Variants in EVL observed in about 807,000 individuals in gnomAD.
The protein encoded by EVL is Enah/Vasp-like.
In EVL, 21 loss-of-function variants were observed where a neutral mutation model predicts 59.6. That is an observed-to-expected ratio of 0.35 (90% CI 0.25 to 0.51). The LOEUF (loss-of-function observed/expected upper bound fraction) is 0.51, where lower values mean the gene tolerates loss of function less well. Ranked by LOEUF, EVL falls within the 20% of genes least tolerant of loss-of-function variation. The pLI is 0.97. For missense variants in EVL, 462 were observed against 546.6 expected (o/e 0.85, Z 1.54); for synonymous variants, 198 against 203.5 (o/e 0.97, Z 0.23).
chr14:99,973,964 G>A (rs1323064935), intron 1 of EVL, among the ~76,000 whole-genome samples: 1 of 152,018 alleles, frequency 6.6e-6, no homozygotes, highest in African/African-American at 2.4e-5. Context: ...TCATCTTCCA[G>A]TCTTCGCTTT....
chr14:100,100,784 CAAAAAAAAAAAA>C lies in EVL; in HGVS notation c.358+3140_358+3151del, dbSNP rs60820079. Among the ~76,000 whole-genome samples, 3 of 47,684 alleles carry C rather than the reference CAAAAAAAAAAAA, an allele frequency of 6.3e-5. No individual in the cohort carries two copies. The South Asian group carries it at 2.3e-3, about 37-fold the overall frequency. The allele number at this position is 47,684 out of a possible 152,430, so 31.3% of individuals were successfully genotyped here. A position where few individuals can be genotyped will look rare whatever the true frequency, so the allele number is the denominator to read the frequency against. On this transcript the variant is annotated intron_variant, in intron 3 of 13. Transcript: ENST00000392920. ...TGTGTGACAGAGCAAGAGTCTGTCT[CAAAAAAAAAAAA>C]AAAAAAAAAAAAATGGAAGTATGAA...
Position 100,130,912 on chromosome 14 carries a change from C to T in EVL, c.839+1228C>T, listed in dbSNP as rs570784637. Among the ~76,000 whole-genome samples the T allele has an allele frequency of 6.6e-6, 1 of 152,326 alleles. No homozygotes were observed. The highest frequency in any genetic ancestry group is 2.1e-4 in the South Asian group (1 of 4,822). ...TGAGCAGTTTCCTGTGAGAGTAAGT[C>T]CAGGTGTGTGGGGCTTACAGTGGCC... On this transcript the variant is annotated intron_variant, in intron 7 of 13. Coordinates refer to ENST00000392920, the MANE Select transcript of EVL (RefSeq NM_016337.3). The surrounding 1 kb of genome is among the most constrained non-coding windows in gnomAD (Gnocchi z 4.8).
At chr14:100,103,493 G>A (rs1595182479) in intron 3 of EVL, among the ~76,000 whole-genome samples, 1 of 152,138 alleles carries the variant, frequency 6.6e-6, no homozygotes, top group East Asian at 1.9e-4. Flanking sequence ...TCCCCGCTTG[G>A]CCTCCTGGGA....
At chr14:99,981,743 A>T (rs1226531496) in intron 1 of EVL, among the ~76,000 whole-genome samples, 1 of 152,258 alleles carries the variant, frequency 6.6e-6, no homozygotes, top group Non-Finnish European at 1.5e-5. Flanking sequence ...ACATACCTTC[A>T]TTAGAAAATA....
At chr14:100,106,790 C>T (rs1886598806) in intron 3 of EVL, 2 of 398,558 alleles carry the variant, frequency 5.0e-6, no homozygotes, top group East Asian at 7.1e-5. Context: ...CTTAACAGTG[C>T]CATGGAGATA....
chr14:100,017,588 G>C (rs2061061004), intron 1 of EVL, among the ~76,000 whole-genome samples: 4 of 152,128 alleles, frequency 2.6e-5, no homozygotes, highest in Admixed American at 2.6e-4. Context: ...TTTTATATAG[G>C]GTAAATCCAA....
At chr14:100,057,375 G>C (rs2061750587) in intron 1 of EVL, among the ~76,000 whole-genome samples, 1 of 152,174 alleles carries the variant, frequency 6.6e-6, no homozygotes, top group Non-Finnish European at 1.5e-5. Context: ...CTAAGAGACT[G>C]CTCAGCTGAC....
rs1402402121 is a variant in EVL at position 100,137,643 on chromosome 14, A to G, written c.1030A>G (p.Arg344Gly). ...GAAGCCTGTGTCCTCGATTCTGTCC[A>G]GGTGAGCTGCCCCAGGAAGGCCTGA... ...VEKPVSSILS[R>G]TPSVAKSPEA... Residue 344 changes from arginine to glycine, a missense_variant and splice_region_variant, in exon 10 of 14, where the codon AGA becomes GGA. Physicochemically the swap from Arg to Gly is moderately radical, Grantham distance 125. Transcript: ENST00000392920. 2 of 1,614,158 alleles carry G rather than the reference A, an allele frequency of 1.2e-6. No homozygotes were observed. The highest frequency in any genetic ancestry group is 1.7e-5 in the Admixed American group (1 of 60,026).
intron 1 of EVL, among the ~76,000 whole-genome samples, chr14:100,028,429 G>T (rs1184557595): frequency 6.6e-6 from 1 of 152,090 alleles, no homozygotes; most frequent in Non-Finnish European, 1.5e-5. Flanking sequence ...CAGAATATAT[G>T]TTTTCTTTGT....
At chr14:100,110,175 C>T (rs1886870467) in intron 3 of EVL, among the ~76,000 whole-genome samples, 1 of 152,154 alleles carries the variant, frequency 6.6e-6, no homozygotes, top group Non-Finnish European at 1.5e-5. Context: ...GAGTTCGAGA[C>T]CTGCCTGGTC....
chr14:100,095,290 GTCCACTAGAAATGCAACACCAAAAATGAA>G (rs1885727550), intron 2 of EVL, among the ~76,000 whole-genome samples: 1 of 152,070 alleles, frequency 6.6e-6, no homozygotes, highest in Non-Finnish European at 1.5e-5. Context: ...GTTTGCTACT[GTCCACTAGAAATGCAACACCAAAAATGAA>G]AACAAAAAAC....
chr14:100,137,708 A>T lies in EVL; in HGVS notation c.1032-32A>T, dbSNP rs927221149. 2.5e-6 allele frequency: 4 copies of T among 1,613,878 alleles called. No individual in the cohort carries two copies. In the African/African-American group the frequency reaches 5.3e-5, roughly 22 times the overall value. Reference sequence around the variant, plus strand: ...GGGGCAGAGGCGGGCGCTGGCGCCGATTCACATGTCTGTTTCATTCCATTG... The same window carrying T: ...GGGGCAGAGGCGGGCGCTGGCGCCGTTTCACATGTCTGTTTCATTCCATTG... On this transcript the variant is annotated intron_variant, in intron 10 of 13. Transcript: ENST00000392920.
intron 7 of EVL, 109 bp downstream of exon 7, chr14:100,129,793 G>T: frequency 1.4e-6 from 2 of 1,404,618 alleles, no homozygotes; most frequent in South Asian, 1.5e-5. Context: ...TTTGTTCCCT[G>T]GGTTTAGCCA....
In EVL at chr14:100,019,476, T is replaced by C. The variant is rs1053044706; in HGVS notation, c.5+47419T>C. On this transcript the variant is annotated intron_variant, in intron 1 of 13. Coordinates refer to the EVL transcript ENST00000402714. The stretch of plus-strand genomic sequence containing the variant: ...AGCTGCCTCCCCTGTTAGCTGCCGC[T>C]TGTCAGCAGCTGGCGGAGCTGGAGG... 4 of 541,224 alleles carry C rather than the reference T, an allele frequency of 7.4e-6. No individual in the cohort carries two copies. The African/African-American group carries it at 7.9e-5, about 11-fold the overall frequency. The allele number at this position is 541,224 out of a possible 1,614,324, so 33.5% of individuals were successfully genotyped here. A position where few individuals can be genotyped will look rare whatever the true frequency, so the allele number is the denominator to read the frequency against.
intron 1 of EVL, chr14:100,019,723 G>T: frequency 1.3e-6 from 2 of 1,527,950 alleles, no homozygotes; most frequent in Non-Finnish European, 8.7e-7. Context: ...TCTGCTGCTG[G>T]CTTTTTGTTC....
At position 100,134,053 on chromosome 14, in the gene EVL, C is replaced by T. The variant is rs191459422; in HGVS notation, c.900+1274C>T. On this transcript the variant is annotated intron_variant, in intron 8 of 13. Transcript: ENST00000392920. Reference sequence around the variant, plus strand: ...TCTCCCGAGGCCCTCTGCACAGGCACGACTGCTTGTGGAGACTCGTTGTCT... The same window carrying T: ...TCTCCCGAGGCCCTCTGCACAGGCATGACTGCTTGTGGAGACTCGTTGTCT... Among the ~76,000 whole-genome samples, 242 of 152,334 alleles carry T rather than the reference C, an allele frequency of 1.6e-3. 1 individual carries two copies. The highest frequency in any genetic ancestry group is 5.6e-3 in the African/African-American group (231 of 41,572).
intron 1 of EVL, among the ~76,000 whole-genome samples, chr14:99,982,902 A>G (rs902287680): frequency 1.4e-4 from 22 of 152,326 alleles, no homozygotes; most frequent in Middle Eastern, 3.4e-3. Context: ...CAATTTACGT[A>G]ACCTTTATGA....
At chr14:100,013,426 A>G (rs73345486) in intron 1 of EVL, among the ~76,000 whole-genome samples, 12,154 of 152,268 alleles carry the variant, frequency 0.08, 515 homozygotes, top group Middle Eastern at 0.11. Context: ...CACAAAATAC[A>G]TGCTGTCTTC....
chr14:100,030,257 A>AT (rs923661868), intron 1 of EVL, among the ~76,000 whole-genome samples: 35 of 143,174 alleles, frequency 2.4e-4, no homozygotes, highest in South Asian at 4.5e-4. Flanking sequence ...ACGCCCGGCT[A>AT]TTTTTTTTTT....
Sources: gnomAD v4.1 joint callset for allele counts (sites outside exome capture counted in the v4.1 genomes callset) on GRCh38, gnomAD v4.1.1 for gene constraint, Gnocchi (gnomAD v3.1) non-coding constraint, MANE v1.5 for transcripts, NCBI Gene and HGNC (gene_info 2026-07-23, HGNC 2026-07-21) for gene names.